PALB2: variants seen among roughly 807,000 people sequenced by gnomAD.
PALB2 encodes mutant partner and localizer of BRCA2.
PALB2 carries 82 observed loss-of-function variants against 107.4 expected under a neutral mutation model. The ratio of observed to expected loss-of-function variants is 0.76; its 90% CI spans 0.64 to 0.92. The LOEUF (loss-of-function observed/expected upper bound fraction) is 0.92, where lower values mean the gene tolerates loss of function less well. PALB2 is among the 40% of genes least tolerant of loss of function. The probability of loss-of-function intolerance (pLI) is 0.00; values close to 1 mark genes in which losing one functional copy is unlikely to be tolerated. For missense variants in PALB2, 1,374 were observed against 1,379.9 expected (o/e 1.00, Z 0.07); for synonymous variants, 489 against 496.8 (o/e 0.98, Z 0.21).
At position 23,635,543 on chromosome 16, in the gene PALB2, T is replaced by C. The variant is rs770361620; in HGVS notation, c.1003A>G (p.Asn335Asp). The C allele has an allele frequency of 1.2e-6, 2 of 1,613,476 alleles. No homozygotes were observed. Among genetic ancestry groups the C allele is most frequent in the Non-Finnish European group, 8.5e-7 (1 of 1,179,716 alleles). ...TGGTTTTCATTTGCTGGTAAGTTATTGTAGGTGAGTTCATTTAGAGAACAT... is the reference window on the plus strand; with the variant it reads ...TGGTTTTCATTTGCTGGTAAGTTATCGTAGGTGAGTTCATTTAGAGAACAT... ...ISCSLNELTY[N>D]NLPANENQNL... Residue 335 changes from asparagine to aspartate, a missense_variant, in exon 4 of 13, where the codon AAT (asparagine) becomes GAT (aspartate). Transcript: ENST00000261584.
intron 1 of PALB2, among the ~76,000 whole-genome samples, chr16:23,638,821 T>C (rs1967131204): frequency 6.6e-6 from 1 of 152,226 alleles, no homozygotes; most frequent in African/African-American, 2.4e-5. Flanking sequence ...GACTATCATT[T>C]GAGCCTAAGA....
Position 23,608,801 on chromosome 16 carries a change from T to TATACACACACACACACACAC in PALB2, c.3202-790_3202-789insGTGTGTGTGTGTGTGTGTAT, listed in dbSNP as rs560756242. 2.1e-3 allele frequency among the ~76,000 whole-genome samples: 298 copies of TATACACACACACACACACAC among 143,750 alleles called. 1 individual carries two copies. The highest frequency in any genetic ancestry group is 7.6e-3 in the African/African-American group (286 of 37,872). The allele number at this position is 143,750 out of a possible 152,430, so 94.3% of individuals were successfully genotyped here. ...ATATTACTGTATGTGTGTATATATA[T>TATACACACACACACACACAC]ACACACACACACACACACACACATA... On this transcript the variant is annotated intron_variant, in intron 11 of 12. Coordinates refer to ENST00000261584, the MANE Select transcript of PALB2 (RefSeq NM_024675.4).
At chr16:23,614,455 G>A (rs1013328144) in intron 10 of PALB2, among the ~76,000 whole-genome samples, 1 of 151,998 alleles carries the variant, frequency 6.6e-6, no homozygotes, top group African/African-American at 2.4e-5. Flanking sequence ...GGAAGACAAC[G>A]GCCAGGAAAC....
intron 11 of PALB2, among the ~76,000 whole-genome samples, chr16:23,611,696 G>A (rs368820056): frequency 6.6e-5 from 10 of 152,262 alleles, no homozygotes; most frequent in African/African-American, 1.7e-4. Flanking sequence ...GACCTCAGGT[G>A]ATCCACCCGC....
At chr16:23,631,135 C>T (rs1966872888) in intron 4 of PALB2, among the ~76,000 whole-genome samples, 1 of 148,898 alleles carries the variant, frequency 6.7e-6, no homozygotes, top group South Asian at 2.1e-4. Flanking sequence ...AAAAAATTAG[C>T]CGGGTGTGGT....
rs587780818 is a variant in PALB2, at chr16:23,635,316, A to G, written c.1230T>C (p.Val410=). ...EGLLFPAEYY[V]RTTRSMSNCQ... The stretch of plus-strand genomic sequence containing the variant: ...AATTGGACATGCTTCGTGTTGTTCT[A>G]ACATAATATTCTGCAGGAAACAGAA... Residue 410 remains valine, a synonymous_variant, in exon 4 of 13, where the codon GTT becomes GTC. Transcript: ENST00000261584. 2.5e-6 allele frequency: 4 copies of G among 1,614,036 alleles called. No homozygotes were observed. The highest frequency in any genetic ancestry group is 2.2e-5 in the South Asian group (2 of 91,076).
chr16:23,612,231 T>G (rs1351576538), intron 11 of PALB2, among the ~76,000 whole-genome samples: 1 of 152,152 alleles, frequency 6.6e-6, no homozygotes, highest in African/African-American at 2.4e-5. Flanking sequence ...TTTATTTATT[T>G]ATTTATTTTG....
At chr16:23,639,486 C>G (rs1258258142) in intron 1 of PALB2, among the ~76,000 whole-genome samples, 1 of 146,188 alleles carries the variant, frequency 6.8e-6, no homozygotes, top group Non-Finnish European at 1.5e-5. Flanking sequence ...CCACTGCACT[C>G]CAGCCTGGGC....
At chr16:23,622,711 G>A (rs1268219671) in intron 9 of PALB2, among the ~76,000 whole-genome samples, 2 of 152,128 alleles carry the variant, frequency 1.3e-5, no homozygotes, top group East Asian at 3.9e-4. Flanking sequence ...TAACATTTAA[G>A]GGACACACAG....
chr16:23,632,182 C>G (rs1462617501), intron 4 of PALB2, among the ~76,000 whole-genome samples: 1 of 152,192 alleles, frequency 6.6e-6, no homozygotes, highest in Admixed American at 6.5e-5. Flanking sequence ...GTGGCTCACA[C>G]CTATAATCCC....
intron 7 of PALB2, among the ~76,000 whole-genome samples, chr16:23,624,368 A>G (rs1394390330): frequency 6.6e-6 from 1 of 152,242 alleles, no homozygotes; most frequent in Non-Finnish European, 1.5e-5. Context: ...AATGTAAAGA[A>G]TATTTATGCA....
At chr16:23,613,869 A>G in intron 11 of PALB2, 135 bp downstream of exon 11, 1 of 697,130 alleles carries the variant, frequency 1.4e-6, no homozygotes. Flanking sequence ...ATTTCAAGAA[A>G]GGACAAACAT....
intron 11 of PALB2, among the ~76,000 whole-genome samples, chr16:23,612,791 C>T (rs1443669948): frequency 1.3e-5 from 2 of 151,182 alleles, no homozygotes; most frequent in South Asian, 4.2e-4. Context: ...CTCGCTCTGT[C>T]GCCCAGGCTG....
In PALB2 at chr16:23,626,310, C is replaced by A. The variant is rs45476495; in HGVS notation, c.2674G>T (p.Glu892Ter). 5.0e-6 allele frequency: 8 copies of A among 1,614,160 alleles called. No individual in the cohort carries two copies. Among genetic ancestry groups the A allele is most frequent in the Non-Finnish European group, 6.8e-6 (8 of 1,180,022 alleles). Residue 892 changes from glutamate (E) to a stop codon, truncating the protein, a stop_gained, in exon 7 of 13, where the codon GAA (glutamate) becomes TAA (stop). Coordinates refer to ENST00000261584, the MANE Select transcript of PALB2 (RefSeq NM_024675.4). LOFTEE classifies it high-confidence loss of function. ...CKEPCIITAC[E>*]DVVSLWKALD... ...GCTTTCCAAAGAGAAACTACATCTT[C>A]GCAAGCAGTTATGATACATGGCTCT... is the stretch of plus-strand genomic sequence containing the variant.
chr16:23,635,301 G>T lies in PALB2; in HGVS notation c.1245C>A (p.Ser415Arg), dbSNP rs1966982144. The change falls in exon 4 of 13, where the codon AGC becomes AGA. Residue 415 changes from serine (S) to arginine (R), a missense_variant. By Grantham distance (110) the Ser-to-Arg change is moderately radical (BLOSUM62 -1). Coordinates refer to ENST00000261584, the MANE Select transcript of PALB2 (RefSeq NM_024675.4). ...CTACTTTCCTCTGGCAATTGGACATGCTTCGTGTTGTTCTAACATAATATT... is the reference window on the plus strand; with the variant it reads ...CTACTTTCCTCTGGCAATTGGACATTCTTCGTGTTGTTCTAACATAATATT... ...PAEYYVRTTR[S>R]MSNCQRKVAV... is the part of the protein sequence containing the mutation. 6.2e-7 allele frequency: 1 copy of T among 1,614,064 alleles called. No individual in the cohort carries two copies. The highest frequency in any genetic ancestry group is 2.2e-5 in the East Asian group (1 of 44,888).
chr16:23,629,170 G>A, intron 6 of PALB2, 34 bp downstream of exon 6: 1 of 1,535,022 alleles, frequency 6.5e-7, no homozygotes, highest in East Asian at 2.2e-5. Flanking sequence ...TCATATGTAA[G>A]ACACGAGACA....
chr16:23,614,459 A>G (rs1407470277), intron 10 of PALB2, among the ~76,000 whole-genome samples: 1 of 152,128 alleles, frequency 6.6e-6, no homozygotes, highest in Non-Finnish European at 1.5e-5. Context: ...GACAACGGCC[A>G]GGAAACCAAA....
At chr16:23,629,097 T>C in intron 6 of PALB2, 107 bp downstream of exon 6, 1 of 854,348 alleles carries the variant, frequency 1.2e-6, no homozygotes, top group South Asian at 1.4e-5. Context: ...TTTACCAATA[T>C]CTTTAATAGT....
At chr16:23,606,609 T>C (rs1966479734) in intron 12 of PALB2, among the ~76,000 whole-genome samples, 1 of 152,086 alleles carries the variant, frequency 6.6e-6, no homozygotes, top group Non-Finnish European at 1.5e-5. Flanking sequence ...CACTGCAACC[T>C]CTCCCTCCCG....
Sources: allele counts gnomAD v4.1 joint callset (sites outside exome capture counted in the v4.1 genomes callset), GRCh38; gene constraint gnomAD v4.1.1; transcripts MANE v1.5; gene names NCBI Gene and HGNC (gene_info 2026-07-23, HGNC 2026-07-21).